The following SCN3A variants were observed in gnomAD, a reference collection of about 807,000 sequenced individuals.
SCN3A encodes the protein sodium voltage-gated channel alpha subunit 3, also known as sodium channel protein type 3 subunit alpha.
A neutral mutation model predicts 187.6 loss-of-function variants in SCN3A; 60 were observed. The ratio of observed to expected loss-of-function variants is 0.32; its 90% CI spans 0.26 to 0.40. The LOEUF (loss-of-function observed/expected upper bound fraction) is 0.40, where lower values mean the gene tolerates loss of function less well. Among genes scored for constraint, SCN3A ranks in the 10% least tolerant of loss-of-function variants. The probability of loss-of-function intolerance (pLI) is 1.00; values close to 1 mark genes in which losing one functional copy is unlikely to be tolerated. For synonymous variants in SCN3A, 788 were observed against 829.2 expected (o/e 0.95, Z 0.85); for missense variants, 1,601 against 2,428.2 (o/e 0.66, Z 7.16).
chr2:165,092,582 A>G lies in SCN3A; in HGVS notation c.4537-58T>C. 6.6e-7 allele frequency: 1 copy of G among 1,525,502 alleles called. No homozygotes were observed. The highest frequency in any genetic ancestry group is 9.1e-7 in the Non-Finnish European group (1 of 1,103,108). The allele number at this position is 1,525,502 out of a possible 1,614,324, so 94.5% of individuals were successfully genotyped here. A position where few individuals can be genotyped will look rare whatever the true frequency, so the allele number is the denominator to read the frequency against. On this transcript the variant is annotated intron_variant, in intron 26 of 27. Transcript: ENST00000283254. The surrounding 1 kb of genome is among the most constrained non-coding windows in gnomAD (Gnocchi z 4.2). ...ATATATATTTCATAAAGAATAATGC[A>G]GTAAAATTGTAGATAAAGCCCTTCC...
Position 165,090,564 on chromosome 2 carries a change from C to T in SCN3A, c.5589G>A (p.Glu1863=). 1 of 1,614,032 alleles carries T rather than the reference C, an allele frequency of 6.2e-7. No homozygotes were observed. ...LFAFTKRVLG[E]SGEMDALRIQ... is the part of the protein sequence containing the mutation. ...TTCGAAGGGCATCCATCTCTCCACT[C>T]TCACCCAAAACACGCTTTGTAAAGG... The change falls in exon 28 of 28, where the codon GAG becomes GAA. Residue 1863 remains glutamate, a synonymous_variant. Coordinates refer to ENST00000283254, the MANE Select transcript of SCN3A (RefSeq NM_006922.4). The surrounding 1 kb of genome is among the most constrained non-coding windows in gnomAD (Gnocchi z 4.0).
chr2:165,170,657 T>C, intron 3 of SCN3A, 109 bp from the exon 4 acceptor site: 1 of 729,120 alleles, frequency 1.4e-6, no homozygotes, highest in South Asian at 1.6e-5. Flanking sequence ...TTCAAACTTG[T>C]TTGTTTAAAC....
At chr2:165,105,751 C>T (rs1685820882) in intron 21 of SCN3A, among the ~76,000 whole-genome samples, 1 of 152,040 alleles carries the variant, frequency 6.6e-6, no homozygotes, top group South Asian at 2.1e-4. Flanking sequence ...GTAATCCCAG[C>T]ACTTTGGGAG....
intron 7 of SCN3A, 132 bp downstream of exon 7, chr2:165,163,486 T>C (rs940169466): frequency 7.2e-6 from 8 of 1,112,004 alleles, no homozygotes; most frequent in Middle Eastern, 4.5e-4. Flanking sequence ...TAAACTGACA[T>C]TGAAACATCA....
At chr2:165,184,407 A>G (rs1691087429) in intron 2 of SCN3A, among the ~76,000 whole-genome samples, 1 of 149,592 alleles carries the variant, frequency 6.7e-6, no homozygotes, top group Non-Finnish European at 1.5e-5. Context: ...TAATATTTCC[A>G]CTTTAGAGAT....
intron 17 of SCN3A, among the ~76,000 whole-genome samples, chr2:165,128,352 T>C (rs1055053311): frequency 6.6e-6 from 1 of 152,216 alleles, no homozygotes; most frequent in East Asian, 1.9e-4. Flanking sequence ...AAAGCAGAGC[T>C]TCTAAGATTT....
chr2:165,099,037 A>G (rs1025234284), intron 22 of SCN3A, among the ~76,000 whole-genome samples: 1 of 152,232 alleles, frequency 6.6e-6, no homozygotes, highest in South Asian at 2.1e-4. Context: ...TGAAATTACA[A>G]TGTAAAAACC....
chr2:165,121,661 C>A (rs1273661637), intron 18 of SCN3A, among the ~76,000 whole-genome samples: 1 of 152,090 alleles, frequency 6.6e-6, no homozygotes, highest in Non-Finnish European at 1.5e-5. Flanking sequence ...GAGACAACCC[C>A]AAACTAATTA....
chr2:165,146,416 GTGTA>G (rs1299271133), intron 12 of SCN3A, among the ~76,000 whole-genome samples: 1 of 140,484 alleles, frequency 7.1e-6, no homozygotes, highest in Non-Finnish European at 1.5e-5. Context: ...GTGTGTGTGT[GTGTA>G]TAGACACATA....
intron 21 of SCN3A, among the ~76,000 whole-genome samples, chr2:165,104,077 T>C (rs1366395988): frequency 1.3e-5 from 2 of 152,084 alleles, no homozygotes; most frequent in Non-Finnish European, 2.9e-5. Context: ...AATCTAATTA[T>C]TTTAGGCGGT....
chr2:165,093,690 T>C (rs1395152677), intron 26 of SCN3A: 1 of 152,180 alleles, frequency 6.6e-6, no homozygotes, highest in African/African-American at 2.4e-5. Flanking sequence ...CTTATAAATA[T>C]GGTAAAGTCA....
intron 2 of SCN3A, 63 bp downstream of exon 2, chr2:165,186,488 A>G (rs371446541): frequency 1.4e-4 from 22 of 152,188 alleles, no homozygotes; most frequent in African/African-American, 4.8e-4. Flanking sequence ...TCCTTGTTAA[A>G]TAGTAGAGAT....
intron 21 of SCN3A, among the ~76,000 whole-genome samples, chr2:165,109,624 T>A (rs1686022424): frequency 6.6e-6 from 1 of 152,074 alleles, no homozygotes; most frequent in Admixed American, 6.6e-5. Flanking sequence ...GTCTAAAATC[T>A]CCACTTTCTT....
intron 9 of SCN3A, among the ~76,000 whole-genome samples, chr2:165,160,325 C>A (rs1292709259): frequency 6.6e-6 from 1 of 152,088 alleles, no homozygotes; most frequent in African/African-American, 2.4e-5. Context: ...AAATAATGTA[C>A]ACAATAAATG....
intron 12 of SCN3A, 51 bp from the exon 13 acceptor site, chr2:165,141,049 G>A (rs373235787): frequency 2.3e-5 from 27 of 1,172,030 alleles, no homozygotes; most frequent in Non-Finnish European, 7.4e-6. Context: ...GGGGAAGAAC[G>A]CAATTATTTA....
intron 2 of SCN3A, chr2:165,179,583 AGAATTT>A (rs1181768609): frequency 6.6e-6 from 1 of 152,352 alleles, no homozygotes; most frequent in East Asian, 1.9e-4. Context: ...GCTGGAATAA[AGAATTT>A]GAATCTTGGT....
chr2:165,097,556 C>A (rs755657861), intron 22 of SCN3A, 32 bp from the exon 23 acceptor site: 1 of 1,611,354 alleles, frequency 6.2e-7, no homozygotes, highest in Admixed American at 1.7e-5. Context: ...ACATAGCTTA[C>A]AAACCTTTTG....
chr2:165,192,739 T>C (rs1691692887), intron 1 of SCN3A, among the ~76,000 whole-genome samples: 1 of 152,140 alleles, frequency 6.6e-6, no homozygotes, highest in African/African-American at 2.4e-5. Flanking sequence ...ACTAAAATTT[T>C]TACAGTAATT....
intron 2 of SCN3A, among the ~76,000 whole-genome samples, chr2:165,180,242 A>G (rs551161412): frequency 6.6e-6 from 1 of 152,154 alleles, no homozygotes; most frequent in Admixed American, 6.5e-5. Context: ...TTTGGAAAAT[A>G]TTTATGGAGG....
Sources: gnomAD v4.1 joint callset for allele counts (sites outside exome capture counted in the v4.1 genomes callset) on GRCh38, gnomAD v4.1.1 for gene constraint, Gnocchi (gnomAD v3.1) non-coding constraint, MANE v1.5 for transcripts, NCBI Gene and HGNC (gene_info 2026-07-23, HGNC 2026-07-21) for gene names.